Variants in DDX24 observed in about 807,000 individuals in gnomAD.
DDX24 encodes the protein ATP-dependent RNA helicase DDX24.
Under a neutral mutation model 68.9 loss-of-function variants are expected in DDX24, and 24 were observed. That is an observed-to-expected ratio of 0.35 (90% CI 0.25 to 0.49). DDX24 has a LOEUF of 0.49. Among genes scored for constraint, DDX24 ranks in the 20% least tolerant of loss-of-function variants. The pLI is 0.99. For missense variants in DDX24, 989 were observed against 1,039.0 expected (o/e 0.95, Z 0.66); for synonymous variants, 395 against 385.2 (o/e 1.03, Z -0.30).
intron 2 of DDX24, among the ~76,000 whole-genome samples, chr14:94,064,756 C>T (rs751432252): frequency 7.9e-5 from 12 of 152,198 alleles, no homozygotes; most frequent in Non-Finnish European, 1.5e-4. Flanking sequence ...TAAAGTGTTT[C>T]CCTGAATTCT....
intron 2 of DDX24, among the ~76,000 whole-genome samples, chr14:94,067,489 T>C (rs1336225343): frequency 6.6e-6 from 1 of 152,092 alleles, no homozygotes; most frequent in African/African-American, 2.4e-5. Context: ...AAAGAACACC[T>C]GGGAAATTCA....
In DDX24 at chr14:94,060,582, C is replaced by A. The variant is rs528961796; in HGVS notation, c.1429G>T (p.Val477Phe). ...AGCTCAGCAAAATGGCCTTTCTCAA[C>A]CATCCGGTCAGCCTCATCCACTACC... Reference protein sequence around the residue: ...CLVVDEADRMVEKGHFAELSQ... With the variant: ...CLVVDEADRMFEKGHFAELSQ... The change falls in exon 5 of 9, where the codon GTT (valine) becomes TTT (phenylalanine). Residue 477 changes from valine (V) to phenylalanine (F), a missense_variant. By Grantham distance (50) the Val-to-Phe change is conservative. This residue lies in a region of DDX24 where 691 missense variants were observed against 760.0 expected (regional missense o/e 0.91). Coordinates refer to ENST00000621632, the MANE Select transcript of DDX24 (RefSeq NM_020414.4). 1 of 1,613,980 alleles carries A rather than the reference C, an allele frequency of 6.2e-7. No individual in the cohort carries two copies. The highest frequency in any genetic ancestry group is 8.5e-7 in the Non-Finnish European group (1 of 1,179,890).
intron 2 of DDX24, among the ~76,000 whole-genome samples, chr14:94,072,273 A>T (rs1035393677): frequency 6.6e-6 from 1 of 152,242 alleles, no homozygotes; most frequent in Non-Finnish European, 1.5e-5. Flanking sequence ...ATGCAGCCAT[A>T]AAAAGGAATG....
chr14:94,065,815 C>A (rs1373799354), intron 2 of DDX24, among the ~76,000 whole-genome samples: 1 of 152,140 alleles, frequency 6.6e-6, no homozygotes, highest in African/African-American at 2.4e-5. Flanking sequence ...GAGCGAAATA[C>A]AGGGGTAGAA....
intron 2 of DDX24, among the ~76,000 whole-genome samples, chr14:94,075,921 G>A (rs1490235487): frequency 2.6e-5 from 4 of 152,010 alleles, no homozygotes; most frequent in African/African-American, 9.7e-5. Context: ...CAAATGACAA[G>A]GAAATAATAG....
At chr14:94,060,029 C>CGT in intron 5 of DDX24, 69 bp downstream of exon 5, 1 of 1,509,158 alleles carries the variant, frequency 6.6e-7, no homozygotes, top group Admixed American at 2.2e-5. Context: ...ACCATTTCCC[C>CGT]ACCATCCTGA....
At chr14:94,066,660 G>T (rs1266151446) in intron 2 of DDX24, among the ~76,000 whole-genome samples, 1 of 152,204 alleles carries the variant, frequency 6.6e-6, no homozygotes, top group Non-Finnish European at 1.5e-5. Flanking sequence ...AACATCACAG[G>T]ACTCTGTGCA....
In DDX24 at chr14:94,073,086, C is replaced by CTTT. The variant is rs10716706; in HGVS notation, c.718+5936_718+5938dup. Among the ~76,000 whole-genome samples the CTTT allele has an allele frequency of 4.1e-4, 52 of 125,662 alleles. 1 individual carries two copies. The highest frequency in any genetic ancestry group is 1.4e-3 in the African/African-American group (48 of 33,116). The allele number at this position is 125,662 out of a possible 152,430, so 82.4% of individuals were successfully genotyped here. A position where few individuals can be genotyped will look rare whatever the true frequency, so the allele number is the denominator to read the frequency against. On this transcript the variant is annotated intron_variant, in intron 2 of 8. Coordinates refer to ENST00000621632, the MANE Select transcript of DDX24 (RefSeq NM_020414.4). ...TCAGTAACTCAATTAATTTTCTTTT[C>CTTT]TTTTTTTTTTTTTTTTTGAGATAGA...
Position 94,062,183 on chromosome 14 carries a change from C to G in DDX24, c.1157G>C (p.Arg386Pro). Residue 386 changes from arginine (R) to proline (P), a missense_variant, in exon 3 of 9, where the codon CGT (arginine) becomes CCT (proline). Physicochemically the swap from Arg to Pro is moderately radical, Grantham distance 103. Coordinates refer to ENST00000621632, the MANE Select transcript of DDX24 (RefSeq NM_020414.4). ...KSATCKAYPK[R>P]PLLGLVLTPT... Reference sequence around the variant, plus strand: ...AGTCAGAACCAGTCCAAGCAGAGGACGCTTTGGATATGCCTTACAGGTGGC... The same window carrying G: ...AGTCAGAACCAGTCCAAGCAGAGGAGGCTTTGGATATGCCTTACAGGTGGC... The G allele has an allele frequency of 6.2e-7, 1 of 1,614,100 alleles. No homozygotes were observed. The highest frequency in any genetic ancestry group is 8.5e-7 in the Non-Finnish European group (1 of 1,180,018).
chr14:94,066,301 T>C (rs1019716779), intron 2 of DDX24, among the ~76,000 whole-genome samples: 3 of 152,092 alleles, frequency 2.0e-5, no homozygotes, highest in Non-Finnish European at 2.9e-5. Context: ...TCCAGTGACC[T>C]GGGAATCTAA....
rs780148799 is a variant in DDX24, at chr14:94,057,857, C to T, written c.1954G>A (p.Asp652Asn). 1 of 1,613,910 alleles carries T rather than the reference C, an allele frequency of 6.2e-7. No individual in the cohort carries two copies. The highest frequency in any genetic ancestry group is 8.5e-7 in the Non-Finnish European group (1 of 1,179,936). ...ATGACATGCTGGACTTTAGGAATAT[C>T]CAGACCCCGAGCTGCCACATCTGTT... The part of the protein sequence containing the change: ...LATDVAARGL[D>N]IPKVQHVIHY... Residue 652 changes from aspartate (D) to asparagine (N), a missense_variant, in exon 6 of 9, where the codon GAT (aspartate) becomes AAT (asparagine). By Grantham distance (23) the Asp-to-Asn change is conservative. Transcript: ENST00000621632.
At chr14:94,051,672 C>T in intron 8 of DDX24, 1 of 465,402 alleles carries the variant, frequency 2.1e-6, no homozygotes, top group Non-Finnish European at 3.6e-6. Flanking sequence ...CCGCTCTGTC[C>T]TTTTTTACTC....
At position 94,048,623 on chromosome 14, in the gene DDX24, T is replaced by TG. The variant is rs1368316170; in HGVS notation, c.*2567dup. ...TATTATACCTGACACACTCATCGTA[T>TG]GGGCTCTGCAAAGGGATATTCCCCA... On this transcript the variant is annotated 3_prime_UTR_variant, in exon 9 of 9. Coordinates refer to ENST00000621632, the MANE Select transcript of DDX24 (RefSeq NM_020414.4). 6.6e-6 allele frequency: 1 copy of TG among 152,256 alleles called. No individual in the cohort carries two copies. Among genetic ancestry groups the TG allele is most frequent in the African/African-American group, 2.4e-5 (1 of 41,460 alleles). The allele number at this position is 152,256 out of a possible 1,614,324, so 9.4% of individuals were successfully genotyped here.
At chr14:94,077,390 A>C (rs576180395) in intron 2 of DDX24, among the ~76,000 whole-genome samples, 26 of 152,346 alleles carry the variant, frequency 1.7e-4, no homozygotes, top group African/African-American at 6.0e-4. Context: ...CGGCTCATAT[A>C]AACCTTGTTT....
chr14:94,078,621 C>T (rs917830317), intron 2 of DDX24, among the ~76,000 whole-genome samples: 16 of 152,202 alleles, frequency 1.1e-4, no homozygotes, highest in Admixed American at 6.5e-5. Context: ...TGAAGATCTA[C>T]CTCTCCAAAG....
At chr14:94,062,818 T>C (rs781520296) in intron 2 of DDX24, among the ~76,000 whole-genome samples, 197 bp from the exon 3 acceptor site, 2 of 152,146 alleles carry the variant, frequency 1.3e-5, no homozygotes, top group Non-Finnish European at 2.9e-5. Context: ...AGGAAAAGTA[T>C]GGCAGGCTAG....
chr14:94,053,537 GGGCATGGT>G (rs1438103317), intron 7 of DDX24, among the ~76,000 whole-genome samples: 3 of 151,864 alleles, frequency 2.0e-5, no homozygotes, highest in Non-Finnish European at 2.9e-5. Flanking sequence ...CTCTTGAGCC[GGGCATGGT>G]GGCTCACACC....
At chr14:94,075,114 C>T (rs1885910377) in intron 2 of DDX24, among the ~76,000 whole-genome samples, 1 of 152,170 alleles carries the variant, frequency 6.6e-6, no homozygotes, top group Non-Finnish European at 1.5e-5. Context: ...GAATCCCAAT[C>T]CAGATATCAG....
chr14:94,056,357 G>C (rs1465622624), intron 6 of DDX24: 1 of 152,198 alleles, frequency 6.6e-6, no homozygotes, highest in Non-Finnish European at 1.5e-5. Context: ...TAGAAGGTTG[G>C]GACTTGCAGC....
Sources: gnomAD v4.1 joint callset for allele counts (sites outside exome capture counted in the v4.1 genomes callset) on GRCh38, gnomAD v4.1.1 for gene constraint, gnomAD v4.1.1 regional missense constraint, MANE v1.5 for transcripts, NCBI Gene and HGNC (gene_info 2026-07-23, HGNC 2026-07-21) for gene names.